Variants in TGFBRAP1 observed in about 807,000 individuals in gnomAD.
TGFBRAP1 encodes transforming growth factor-beta receptor-associated protein 1.
TGFBRAP1 carries 20 observed loss-of-function variants against 83.2 expected under a neutral mutation model. The observed-to-expected ratio is 0.24, with a 90% CI of 0.17 to 0.35. TGFBRAP1 has a LOEUF of 0.35. Among genes scored for constraint, TGFBRAP1 ranks in the 10% least tolerant of loss-of-function variants. The pLI is 1.00. For missense variants in TGFBRAP1, 950 were observed against 1,099.4 expected, an observed-to-expected ratio of 0.86 and a Z score of 1.92; for synonymous variants, 415 against 459.8, an observed-to-expected ratio of 0.90 and a Z score of 1.25.
intron 7 of TGFBRAP1, among the ~76,000 whole-genome samples, chr2:105,276,892 G>A (rs1224514463): frequency 6.6e-6 from 1 of 152,108 alleles, no homozygotes; most frequent in Non-Finnish European, 1.5e-5. Context: ...ACTTTAGCTT[G>A]GGGAACATGG....
intron 1 of TGFBRAP1, among the ~76,000 whole-genome samples, chr2:105,326,045 A>T (rs1279846520): frequency 6.6e-6 from 1 of 152,206 alleles, no homozygotes; most frequent in East Asian, 1.9e-4. Flanking sequence ...TTAAAAAAAG[A>T]CAGTTAAGGT....
intron 1 of TGFBRAP1, among the ~76,000 whole-genome samples, chr2:105,312,195 G>C (rs754561295): frequency 6.6e-6 from 1 of 151,940 alleles, no homozygotes; most frequent in Non-Finnish European, 1.5e-5. Flanking sequence ...TTCACTTTAA[G>C]GCTTACCTAT....
At chr2:105,319,683 A>C (rs1573221723) in intron 1 of TGFBRAP1, among the ~76,000 whole-genome samples, 1 of 135,780 alleles carries the variant, frequency 7.4e-6, no homozygotes, top group Admixed American at 7.6e-5. Context: ...CAAGAGCAAA[A>C]CTCTCTCAAA....
At chr2:105,297,951 G>A (rs1426539741) in intron 3 of TGFBRAP1, among the ~76,000 whole-genome samples, 1 of 152,186 alleles carries the variant, frequency 6.6e-6, no homozygotes, top group Non-Finnish European at 1.5e-5. Context: ...CTGAAGAAAA[G>A]TAGAGTAAAT....
At chr2:105,317,345 G>A (rs1678916571) in intron 1 of TGFBRAP1, among the ~76,000 whole-genome samples, 1 of 151,912 alleles carries the variant, frequency 6.6e-6, no homozygotes, top group African/African-American at 2.4e-5. Flanking sequence ...GCTAAGGCAG[G>A]AGAATTGCTT....
At position 105,277,770 on chromosome 2, in the gene TGFBRAP1, T is replaced by C. The variant is rs78272711; in HGVS notation, c.1464-99A>G. On this transcript the variant is annotated intron_variant, in intron 6 of 11. Coordinates refer to ENST00000393359, the MANE Select transcript of TGFBRAP1 (RefSeq NM_004257.6). ...CCCAGTCCAAGCTCCCCATATTCTA[T>C]TCAACTCGAGTTCAGGCTCATGCCT... 7.8e-3 allele frequency: 9,076 copies of C among 1,166,326 alleles called. 505 individuals are homozygous for C. In the African/African-American group the frequency reaches 0.12, roughly 15 times the overall value. 72.2% of individuals were successfully genotyped at this position (1,166,326 alleles called of 1,614,324 possible).
intron 1 of TGFBRAP1, among the ~76,000 whole-genome samples, chr2:105,322,541 A>G (rs1679097985): frequency 6.6e-6 from 1 of 152,164 alleles, no homozygotes; most frequent in South Asian, 2.1e-4. Context: ...TATTTTATAC[A>G]GTATTTCTAC....
intron 7 of TGFBRAP1, 41 bp downstream of exon 7, chr2:105,277,573 G>A (rs1248248884): frequency 1.9e-6 from 3 of 1,601,686 alleles, no homozygotes; most frequent in East Asian, 2.2e-5. Context: ...TACTTACATG[G>A]TGCTGATTTT....
downstream of TGFBRAP1, chr2:105,264,387 AG>A (rs1428786722): frequency 6.6e-6 from 1 of 152,276 alleles, no homozygotes; most frequent in Non-Finnish European, 1.5e-5. Context: ...TATTTAGACT[AG>A]GTATGGTGCG....
At position 105,298,613 on chromosome 2, in the gene TGFBRAP1, T is replaced by C. The variant is rs540884293; in HGVS notation, c.781A>G (p.Ile261Val). The C allele has an allele frequency of 6.2e-7, 1 of 1,614,114 alleles. No homozygotes were observed. Among genetic ancestry groups the C allele is most frequent in the Middle Eastern group, 1.7e-4 (1 of 6,060 alleles). The change falls in exon 3 of 12, where the codon ATA becomes GTA. Residue 261 changes from isoleucine to valine, a missense_variant. By Grantham distance (29) the Ile-to-Val change is conservative (BLOSUM62 3). Coordinates refer to ENST00000393359, the MANE Select transcript of TGFBRAP1 (RefSeq NM_004257.6). ...GTGATGAATTCGTCATCGAGCGCTA[T>C]GACGTATGGAAAGGACACAGCCGCC... The part of the protein sequence containing the change: ...IGAAVSFPYV[I>V]ALDDEFITVH...
intron 5 of TGFBRAP1, 52 bp downstream of exon 5, chr2:105,284,264 G>C: frequency 6.4e-7 from 1 of 1,552,258 alleles, no homozygotes; most frequent in South Asian, 1.1e-5. Context: ...CGCAGGTTCT[G>C]GCCACAGAGG....
At chr2:105,303,654 T>TG (rs1251967435) in intron 2 of TGFBRAP1, among the ~76,000 whole-genome samples, 1 of 152,230 alleles carries the variant, frequency 6.6e-6, no homozygotes, top group African/African-American at 2.4e-5. Context: ...TGAATTGATC[T>TG]GGGCAGTAAC....
At chr2:105,255,598 G>C in the TGFBRAP1 span, among the ~76,000 whole-genome samples, 1 of 152,186 alleles carries the variant, frequency 6.6e-6, no homozygotes, top group Non-Finnish European at 1.5e-5. Context: ...TGAGATTACA[G>C]ATATGAGCCA....
At chr2:105,292,677 A>G (rs908592528) in intron 4 of TGFBRAP1, among the ~76,000 whole-genome samples, 2 of 148,640 alleles carry the variant, frequency 1.3e-5, no homozygotes, top group African/African-American at 2.4e-5. Flanking sequence ...AGAGAGAGAG[A>G]AAGAATATAT....
intron 1 of TGFBRAP1, among the ~76,000 whole-genome samples, chr2:105,323,077 T>G (rs950880840): frequency 6.6e-6 from 1 of 152,144 alleles, no homozygotes; most frequent in South Asian, 2.1e-4. Flanking sequence ...AAGGGTGGTA[T>G]GCAACACAGT....
At chr2:105,251,310 C>T in the TGFBRAP1 span, among the ~76,000 whole-genome samples, 1 of 147,982 alleles carries the variant, frequency 6.8e-6, no homozygotes, top group Non-Finnish European at 1.5e-5. Context: ...GCTGCCCAGT[C>T]TGGAAAGTGA....
intron 2 of TGFBRAP1, among the ~76,000 whole-genome samples, 176 bp from the exon 3 acceptor site, chr2:105,298,881 A>G (rs1013662687): frequency 5.3e-5 from 8 of 152,234 alleles, no homozygotes; most frequent in Non-Finnish European, 7.3e-5. Flanking sequence ...CCCTACAGGA[A>G]TTTATTTCTG....
At chr2:105,255,878 T>C in the TGFBRAP1 span, among the ~76,000 whole-genome samples, 151,240 of 152,136 alleles carry the variant, frequency 0.99, 75,177 homozygotes, top group East Asian at 1. Context: ...CCCCACCCCT[T>C]CCTCTGCCTC....
intron 6 of TGFBRAP1, 105 bp downstream of exon 6, chr2:105,280,277 A>G: frequency 8.0e-7 from 1 of 1,245,948 alleles, no homozygotes; most frequent in Non-Finnish European, 1.1e-6. Flanking sequence ...TTGGGAACAT[A>G]AACATCACAC....
Sources: allele counts gnomAD v4.1 joint callset (sites outside exome capture counted in the v4.1 genomes callset), GRCh38; gene constraint gnomAD v4.1.1; transcripts MANE v1.5; gene names NCBI Gene and HGNC (gene_info 2026-07-23, HGNC 2026-07-21).